GPC6: variants seen among roughly 807,000 people sequenced by gnomAD.
The protein encoded by GPC6 is glypican-6.
GPC6 carries 14 observed loss-of-function variants against 55.2 expected under a neutral mutation model. That is an observed-to-expected ratio of 0.25 (90% CI 0.17 to 0.40). The LOEUF (loss-of-function observed/expected upper bound fraction) is 0.40, where lower values mean the gene tolerates loss of function less well. Ranked by LOEUF, GPC6 falls within the 10% of genes least tolerant of loss-of-function variation. The pLI is 1.00. For synonymous variants in GPC6, 278 were observed against 259.6 expected (o/e 1.07, Z -0.68); for missense variants, 641 against 708.5 (o/e 0.90, Z 1.08).
At chr13:93,654,897 C>G (rs1339283995) in intron 2 of GPC6, among the ~76,000 whole-genome samples, 1 of 147,448 alleles carries the variant, frequency 6.8e-6, no homozygotes, top group Non-Finnish European at 1.5e-5. Flanking sequence ...AGTGCAGTGG[C>G]GCGATCTAGG....
At chr13:94,041,220 T>C (rs921733004) in intron 4 of GPC6, among the ~76,000 whole-genome samples, 7 of 151,838 alleles carry the variant, frequency 4.6e-5, no homozygotes, top group Non-Finnish European at 7.4e-5. Flanking sequence ...ATTCTGCAAA[T>C]CAGTTACAAG....
At chr13:93,619,755 A>T (rs1188804353) in intron 2 of GPC6, among the ~76,000 whole-genome samples, 1 of 152,156 alleles carries the variant, frequency 6.6e-6, no homozygotes, top group African/African-American at 2.4e-5. Flanking sequence ...TTTTATAAAA[A>T]TATATCTTAC....
chr13:93,259,456 A>G (rs1047203397), intron 1 of GPC6, among the ~76,000 whole-genome samples: 1 of 152,196 alleles, frequency 6.6e-6, no homozygotes, highest in Non-Finnish European at 1.5e-5. Context: ...TCAGGAGTAT[A>G]GTAATATGAT....
At chr13:94,150,540 A>C (rs1353923799) in intron 4 of GPC6, among the ~76,000 whole-genome samples, 4 of 151,900 alleles carry the variant, frequency 2.6e-5, no homozygotes, top group Non-Finnish European at 5.9e-5. Flanking sequence ...CCTTAAATGC[A>C]ATATACTTTT....
At chr13:93,559,532 G>A (rs1436139824) in intron 2 of GPC6, among the ~76,000 whole-genome samples, 1 of 152,018 alleles carries the variant, frequency 6.6e-6, no homozygotes, top group Non-Finnish European at 1.5e-5. Flanking sequence ...GGATCACTAG[G>A]GATGGATGAA....
chr13:94,289,234 G>C (rs1349666024), intron 5 of GPC6, among the ~76,000 whole-genome samples: 1 of 151,872 alleles, frequency 6.6e-6, no homozygotes, highest in African/African-American at 2.4e-5. Flanking sequence ...GTCCGACAGA[G>C]CTTAAAGGTA....
chr13:94,161,910 C>A (rs935098576), intron 4 of GPC6, among the ~76,000 whole-genome samples: 2 of 152,076 alleles, frequency 1.3e-5, no homozygotes, highest in Non-Finnish European at 2.9e-5. Context: ...AAAGGCATGT[C>A]TTACATGGCG....
chr13:93,241,907 GTT>G (rs2139016318), intron 1 of GPC6, among the ~76,000 whole-genome samples: 1 of 151,912 alleles, frequency 6.6e-6, no homozygotes, highest in African/African-American at 2.4e-5. Context: ...GGTAATTTCA[GTT>G]GCAAAGACTC....
At chr13:93,952,808 T>C (rs1594615829) in intron 3 of GPC6, among the ~76,000 whole-genome samples, 3 of 147,520 alleles carry the variant, frequency 2.0e-5, no homozygotes, top group South Asian at 2.1e-4. Context: ...GATATAGGTA[T>C]ACACACACAC....
Position 94,006,699 on chromosome 13 carries a change from G to A in GPC6, c.712-21030G>A, listed in dbSNP as rs192528159. Among the ~76,000 whole-genome samples, 17 of 152,178 alleles carry A rather than the reference G, an allele frequency of 1.1e-4. No individual in the cohort carries two copies. In the East Asian group the frequency reaches 2.9e-3, roughly 26 times the overall value. The stretch of plus-strand genomic sequence containing the variant: ...AACCACCTAGTTTTATTTTCTAGGC[G>A]CCACCAACTATGAGTTGCACGACTT... On this transcript the variant is annotated intron_variant, in intron 3 of 8. Transcript: ENST00000377047.
intron 1 of GPC6, among the ~76,000 whole-genome samples, chr13:93,424,847 T>G (rs946348279): frequency 2.0e-5 from 3 of 152,132 alleles, no homozygotes; most frequent in Non-Finnish European, 4.4e-5. Context: ...CGTAGATTAT[T>G]TGGAAACAGG....
chr13:94,229,361 C>T lies in GPC6; in HGVS notation c.878-56988C>T, dbSNP rs112210917. The stretch of plus-strand genomic sequence containing the variant: ...ACACCTTGGAGGGCCTGGTTATCAA[C>T]GGCTATTTTATGTAGAAATATCATG... On this transcript the variant is annotated intron_variant, in intron 4 of 8. Transcript: ENST00000377047. 4.8e-3 allele frequency among the ~76,000 whole-genome samples: 727 copies of T among 152,222 alleles called. 12 individuals carry two copies. The highest frequency in any genetic ancestry group is 0.016 in the African/African-American group (683 of 41,528).
At chr13:93,913,564 G>C (rs1471221455) in intron 3 of GPC6, among the ~76,000 whole-genome samples, 1 of 152,032 alleles carries the variant, frequency 6.6e-6, no homozygotes, top group African/African-American at 2.4e-5. Context: ...CATAGCATTT[G>C]CTTTTTGTCT....
chr13:94,127,560 C>T (rs1278498256), intron 4 of GPC6, among the ~76,000 whole-genome samples: 1 of 152,142 alleles, frequency 6.6e-6, no homozygotes, highest in Non-Finnish European at 1.5e-5. Flanking sequence ...AAATTACCCA[C>T]TCTCAGGTGT....
chr13:94,322,870 A>C lies in GPC6; in HGVS notation c.1152+16747A>C, dbSNP rs371306582. Among the ~76,000 whole-genome samples the C allele has an allele frequency of 2.0e-5, 3 of 151,840 alleles. No individual in the cohort carries two copies. In the South Asian group the frequency reaches 6.3e-4, roughly 32 times the overall value. The stretch of plus-strand genomic sequence containing the variant: ...CAGTTTCTCCTTCAGACCACCCAGA[A>C]GTCTGCCCAGGCCAAAACTCTGGAC... On this transcript the variant is annotated intron_variant, in intron 6 of 8. Transcript: ENST00000377047.
chr13:94,306,589 AT>A (rs1315009225), intron 6 of GPC6, among the ~76,000 whole-genome samples: 5 of 150,282 alleles, frequency 3.3e-5, no homozygotes, highest in Admixed American at 6.6e-5. Context: ...TGTTACTATC[AT>A]TTTTTTTTCT....
At chr13:93,910,725 C>G (rs989992032) in intron 3 of GPC6, among the ~76,000 whole-genome samples, 7 of 152,182 alleles carry the variant, frequency 4.6e-5, no homozygotes, top group African/African-American at 1.7e-4. Context: ...GATTCAGCCT[C>G]CTAAAAGCCT....
intron 4 of GPC6, among the ~76,000 whole-genome samples, chr13:94,283,655 A>G (rs1892450522): frequency 6.6e-6 from 1 of 152,166 alleles, no homozygotes; most frequent in South Asian, 2.1e-4. Flanking sequence ...TCTAAATTTT[A>G]TTTTCCAAAC....
chr13:93,910,664 A>G (rs994177645), intron 3 of GPC6, among the ~76,000 whole-genome samples: 4 of 152,206 alleles, frequency 2.6e-5, no homozygotes, highest in Admixed American at 2.6e-4. Context: ...AATGGAAGAT[A>G]TAAAATACCT....
Sources: allele counts gnomAD v4.1 joint callset (sites outside exome capture counted in the v4.1 genomes callset), GRCh38; gene constraint gnomAD v4.1.1; transcripts MANE v1.5; gene names NCBI Gene and HGNC (gene_info 2026-07-23, HGNC 2026-07-21).